MED12L: variants seen among roughly 807,000 people sequenced by gnomAD.
MED12L encodes the protein mediator of RNA polymerase II transcription subunit 12-like protein.
Under a neutral mutation model 281.3 loss-of-function variants are expected in MED12L, and 60 were observed. That is an observed-to-expected ratio of 0.21 (90% CI 0.17 to 0.26). The LOEUF (loss-of-function observed/expected upper bound fraction) is 0.26, where lower values mean the gene tolerates loss of function less well. Among genes scored for constraint, MED12L ranks in the 10% least tolerant of loss-of-function variants. The pLI, the probability that MED12L is intolerant of heterozygous loss-of-function variation, is 1.00. For synonymous variants in MED12L, 974 were observed against 987.2 expected (o/e 0.99, Z 0.25); for missense variants, 2,146 against 2,680.9 (o/e 0.80, Z 4.41).
chr3:151,285,426 T>G (rs1743348563), intron 16 of MED12L, among the ~76,000 whole-genome samples: 1 of 151,958 alleles, frequency 6.6e-6, no homozygotes, highest in Non-Finnish European at 1.5e-5. Context: ...AGGCGGAGCT[T>G]GCAGTGAGCA....
At chr3:151,155,128 C>A (rs1354756685) in intron 5 of MED12L, among the ~76,000 whole-genome samples, 1 of 152,160 alleles carries the variant, frequency 6.6e-6, no homozygotes, top group Non-Finnish European at 1.5e-5. Context: ...TCTACTCTTT[C>A]TTTTGTCAAA....
At chr3:151,153,769 A>G (rs1158299719) in intron 5 of MED12L, among the ~76,000 whole-genome samples, 2 of 151,884 alleles carry the variant, frequency 1.3e-5, no homozygotes. Flanking sequence ...GGGTTTCGCC[A>G]TGTTGGCCAG....
chr3:151,327,723 G>A lies in MED12L; in HGVS notation c.2251-22336G>A, dbSNP rs1384287700. ...CTTTTCCAAAATGTTAAAGTGAAAT[G>A]CTCTTGAAATTAAAAAAAAAAAAAA... is the stretch of plus-strand genomic sequence containing the variant. On this transcript the variant is annotated intron_variant, in intron 16 of 44. Coordinates refer to ENST00000687756, the MANE Select transcript of MED12L (RefSeq NM_001393769.1). The A allele has an allele frequency of 1.8e-5, 5 of 273,746 alleles. No individual in the cohort carries two copies. In the Admixed American group the frequency reaches 2.6e-4, roughly 14 times the overall value. The allele number at this position is 273,746 out of a possible 1,614,324, so 17.0% of individuals were successfully genotyped here.
chr3:151,189,979 A>C (rs1480846576), intron 13 of MED12L, among the ~76,000 whole-genome samples: 1 of 152,108 alleles, frequency 6.6e-6, no homozygotes, highest in Non-Finnish European at 1.5e-5. Context: ...ATTGTGGTTC[A>C]ATTGTAAAAT....
At chr3:151,431,649 A>C (rs942238305) in intron 44 of MED12L, among the ~76,000 whole-genome samples, 5 of 152,160 alleles carry the variant, frequency 3.3e-5, no homozygotes, top group African/African-American at 1.2e-4. Flanking sequence ...TACAATCTTA[A>C]GGCAGATTTT....
chr3:151,281,129 A>G (rs1742737712), intron 16 of MED12L, among the ~76,000 whole-genome samples: 2 of 149,552 alleles, frequency 1.3e-5, no homozygotes, highest in Non-Finnish European at 3.0e-5. Flanking sequence ...TGGCTCACGC[A>G]TGTAATCTCA....
chr3:151,291,880 ATGT>A (rs1025403119), intron 16 of MED12L, among the ~76,000 whole-genome samples: 32 of 152,296 alleles, frequency 2.1e-4, no homozygotes, highest in African/African-American at 7.0e-4. Flanking sequence ...AATAGGGATG[ATGT>A]TCTCTGTGTT....
At chr3:151,091,142 G>A (rs1454029696) in intron 2 of MED12L, among the ~76,000 whole-genome samples, 1 of 152,166 alleles carries the variant, frequency 6.6e-6, no homozygotes, top group Non-Finnish European at 1.5e-5. Flanking sequence ...AGAAAAATGG[G>A]TTGGGGCAGT....
chr3:151,284,670 G>A (rs1018869221), intron 16 of MED12L, among the ~76,000 whole-genome samples: 12 of 152,138 alleles, frequency 7.9e-5, no homozygotes, highest in African/African-American at 2.4e-4. Flanking sequence ...GTGCAATGGC[G>A]TGATCTCAGC....
chr3:151,127,012 A>C (rs1714640635), intron 4 of MED12L, among the ~76,000 whole-genome samples: 1 of 152,180 alleles, frequency 6.6e-6, no homozygotes, highest in South Asian at 2.1e-4. Flanking sequence ...ATCGTGGCTA[A>C]TATAGTCTTT....
At chr3:151,396,024 T>C (rs1051051122) in intron 39 of MED12L, among the ~76,000 whole-genome samples, 26 of 152,222 alleles carry the variant, frequency 1.7e-4, no homozygotes, top group African/African-American at 5.5e-4. Context: ...GTCATCACCA[T>C]GTGCTTGTCT....
At chr3:151,165,385 C>A in intron 9 of MED12L, 35 bp from the exon 10 acceptor site, 1 of 1,565,476 alleles carries the variant, frequency 6.4e-7, no homozygotes, top group Non-Finnish European at 8.8e-7. Flanking sequence ...TGTGGCATTC[C>A]AAGCACAAGT....
chr3:151,171,828 G>A (rs1318202963), intron 11 of MED12L, among the ~76,000 whole-genome samples: 1 of 152,164 alleles, frequency 6.6e-6, no homozygotes, highest in Non-Finnish European at 1.5e-5. Context: ...TTCTGTCAGT[G>A]CTGGGCTTGT....
At chr3:151,401,304 G>A (rs2108296443) in intron 39 of MED12L, among the ~76,000 whole-genome samples, 1 of 149,816 alleles carries the variant, frequency 6.7e-6, no homozygotes, top group East Asian at 2.0e-4. Context: ...ACTGTTAACT[G>A]TTACAGTAAA....
chr3:151,226,982 G>A (rs1730628688), intron 16 of MED12L, among the ~76,000 whole-genome samples: 2 of 152,146 alleles, frequency 1.3e-5, no homozygotes, highest in African/African-American at 4.8e-5. Flanking sequence ...AGATCCCCTG[G>A]GGCCCCTGGC....
intron 5 of MED12L, among the ~76,000 whole-genome samples, chr3:151,134,371 G>A (rs1320457241): frequency 2.0e-5 from 3 of 152,220 alleles, no homozygotes; most frequent in Non-Finnish European, 2.9e-5. Context: ...CTGTGAAAGA[G>A]ATACGTTATT....
At chr3:151,352,529 A>G (rs1221394598) in intron 17 of MED12L, among the ~76,000 whole-genome samples, 2 of 152,228 alleles carry the variant, frequency 1.3e-5, no homozygotes, top group Non-Finnish European at 2.9e-5. Context: ...CTTCATATTA[A>G]TGGAAATATG....
intron 8 of MED12L, among the ~76,000 whole-genome samples, chr3:151,161,528 G>A (rs1263768244): frequency 6.6e-6 from 1 of 152,110 alleles, no homozygotes; most frequent in Non-Finnish European, 1.5e-5. Context: ...GAGAGAACAG[G>A]GGGAGAGTAT....
chr3:151,176,915 G>C (rs1038355166), intron 11 of MED12L, among the ~76,000 whole-genome samples: 1 of 152,144 alleles, frequency 6.6e-6, no homozygotes, highest in African/African-American at 2.4e-5. Context: ...ATGTAACACA[G>C]TGTATTACTT....
Sources: gnomAD v4.1 joint callset for allele counts (sites outside exome capture counted in the v4.1 genomes callset) on GRCh38, gnomAD v4.1.1 for gene constraint, MANE v1.5 for transcripts, NCBI Gene and HGNC (gene_info 2026-07-23, HGNC 2026-07-21) for gene names.